The following SV2C variants were observed in gnomAD, a reference collection of about 807,000 sequenced individuals.
SV2C encodes the protein synaptic vesicle glycoprotein 2C.
In SV2C, 49 loss-of-function variants were observed where a neutral mutation model predicts 79.7. The ratio of observed to expected loss-of-function variants is 0.61; its 90% CI spans 0.49 to 0.78. The LOEUF is 0.78. SV2C is among the 30% of genes least tolerant of loss of function. The pLI, the probability that SV2C is intolerant of heterozygous loss-of-function variation, is 0.00. For missense variants in SV2C, 833 were observed against 912.9 expected, an observed-to-expected ratio of 0.91 and a Z score of 1.13; for synonymous variants, 334 against 333.2, an observed-to-expected ratio of 1.00 and a Z score of -0.03.
At chr5:76,292,854 A>G (rs1253874180) in intron 8 of SV2C, among the ~76,000 whole-genome samples, 1 of 152,184 alleles carries the variant, frequency 6.6e-6, no homozygotes, top group South Asian at 2.1e-4. Context: ...GTACAACTCT[A>G]TTGTTGCCTA....
chr5:76,011,119 AAGAC>A, the SV2C span, among the ~76,000 whole-genome samples: 1 of 152,226 alleles, frequency 6.6e-6, no homozygotes, highest in South Asian at 2.1e-4. Flanking sequence ...AGGAAAAAAG[AAGAC>A]AGAAAGATAC....
At chr5:76,321,763 AT>A (rs1428794888) in intron 12 of SV2C, among the ~76,000 whole-genome samples, 2 of 147,980 alleles carry the variant, frequency 1.4e-5, no homozygotes, top group Admixed American at 6.8e-5. Flanking sequence ...AAAAAAAAAA[AT>A]TAAGTTTTCT....
the SV2C span, among the ~76,000 whole-genome samples, chr5:75,936,308 C>T: frequency 1.7e-4 from 26 of 152,292 alleles, no homozygotes; most frequent in African/African-American, 6.3e-4. Context: ...TGTTTTTAAT[C>T]ATCCTTGGGT....
chr5:76,045,369 T>C, the SV2C span, among the ~76,000 whole-genome samples: 7 of 152,226 alleles, frequency 4.6e-5, no homozygotes, highest in Non-Finnish European at 1.0e-4. Flanking sequence ...TTTGTTCTTT[T>C]TGCTTAGGAT....
At chr5:75,941,687 T>TGCTGCACAGA in the SV2C span, among the ~76,000 whole-genome samples, 1 of 152,262 alleles carries the variant, frequency 6.6e-6, no homozygotes, top group Non-Finnish European at 1.5e-5. Flanking sequence ...TTTGTTATAA[T>TGCTGCACAGA]GTTGGGGCAC....
At position 76,325,693 on chromosome 5, in the gene SV2C, C is replaced by T; in HGVS notation, c.*146C>T. ...CGTGCTGTGACTTAAAATTTAGAAG[C>T]ATATCATCTTGCCCCTTTGTGATTT... On this transcript the variant is annotated 3_prime_UTR_variant, in exon 13 of 13. Coordinates refer to ENST00000502798, the MANE Select transcript of SV2C (RefSeq NM_014979.4). 8.7e-7 allele frequency: 1 copy of T among 1,147,490 alleles called. No homozygotes were observed. Among genetic ancestry groups the T allele is most frequent in the Non-Finnish European group, 1.2e-6 (1 of 833,856 alleles). 71.1% of individuals were successfully genotyped at this position (1,147,490 alleles called of 1,614,324 possible).
chr5:76,310,099 T>C (rs1748377791), intron 12 of SV2C, among the ~76,000 whole-genome samples: 1 of 152,192 alleles, frequency 6.6e-6, no homozygotes. Context: ...GGAACTATTT[T>C]AGTCATTGGG....
the SV2C span, among the ~76,000 whole-genome samples, chr5:76,002,508 C>A: frequency 6.6e-6 from 1 of 152,174 alleles, no homozygotes; most frequent in East Asian, 1.9e-4. Flanking sequence ...GGCTGCACAA[C>A]TCTGTGAATG....
chr5:76,216,708 A>G (rs1744915738), intron 4 of SV2C, among the ~76,000 whole-genome samples: 1 of 152,152 alleles, frequency 6.6e-6, no homozygotes, highest in Non-Finnish European at 1.5e-5. Flanking sequence ...TCAAGAACAG[A>G]TAGGTCAGGT....
At chr5:76,205,150 T>C (rs1233349934) in intron 3 of SV2C, among the ~76,000 whole-genome samples, 1 of 134,656 alleles carries the variant, frequency 7.4e-6, no homozygotes, top group African/African-American at 2.5e-5. Context: ...GTGTTGTGCG[T>C]GTGTGTGTGT....
chr5:75,937,518 T>C, the SV2C span, among the ~76,000 whole-genome samples: 1 of 151,964 alleles, frequency 6.6e-6, no homozygotes, highest in African/African-American at 2.4e-5. Context: ...CTGGGCAACA[T>C]AGAAAAACTC....
chr5:75,983,403 G>A, the SV2C span, among the ~76,000 whole-genome samples: 57 of 152,176 alleles, frequency 3.7e-4, no homozygotes, highest in Middle Eastern at 3.4e-3. Context: ...GCTGCAGAAA[G>A]AAGGTCTGCG....
At chr5:75,980,885 A>G in the SV2C span, among the ~76,000 whole-genome samples, 2 of 152,200 alleles carry the variant, frequency 1.3e-5, no homozygotes, top group Non-Finnish European at 2.9e-5. Flanking sequence ...AGAGAAAGAT[A>G]TAAAGAGCAT....
At chr5:75,960,351 T>C in the SV2C span, among the ~76,000 whole-genome samples, 1 of 152,024 alleles carries the variant, frequency 6.6e-6, no homozygotes. Flanking sequence ...CTATCAATGA[T>C]GGATCACTTA....
chr5:76,297,716 G>A (rs1747824785), intron 9 of SV2C, among the ~76,000 whole-genome samples: 1 of 152,148 alleles, frequency 6.6e-6, no homozygotes, highest in Non-Finnish European at 1.5e-5. Flanking sequence ...GGTCTGTGAG[G>A]CCATGTGCAT....
At chr5:75,993,564 A>C in the SV2C span, among the ~76,000 whole-genome samples, 4 of 152,056 alleles carry the variant, frequency 2.6e-5, no homozygotes, top group Non-Finnish European at 5.9e-5. Flanking sequence ...AGAGTTACAC[A>C]AGAACACTGC....
the SV2C span, among the ~76,000 whole-genome samples, chr5:75,954,883 G>C: frequency 7.7e-5 from 11 of 142,494 alleles, no homozygotes; most frequent in Admixed American, 1.4e-4. Context: ...CACTGCTCAA[G>C]GAAATAAAAG....
chr5:76,044,384 T>C, the SV2C span, among the ~76,000 whole-genome samples: 2 of 152,192 alleles, frequency 1.3e-5, no homozygotes. Flanking sequence ...CGTGTATGTA[T>C]CTTTATGGTA....
At chr5:76,237,301 G>C (rs1190055110) in intron 4 of SV2C, among the ~76,000 whole-genome samples, 1 of 152,080 alleles carries the variant, frequency 6.6e-6, no homozygotes, top group East Asian at 1.9e-4. Context: ...ATTATATTGT[G>C]TTTTTATTTG....
Sources: gnomAD v4.1 joint callset for allele counts (sites outside exome capture counted in the v4.1 genomes callset) on GRCh38, gnomAD v4.1.1 for gene constraint, MANE v1.5 for transcripts, NCBI Gene and HGNC (gene_info 2026-07-23, HGNC 2026-07-21) for gene names.